Variants in TMPRSS6 observed in about 807,000 individuals in gnomAD.
The protein encoded by TMPRSS6 is transmembrane serine protease 6.
In TMPRSS6, 67 loss-of-function variants were observed where a neutral mutation model predicts 101.5. That is an observed-to-expected ratio of 0.66 (90% CI 0.54 to 0.81). The LOEUF is 0.81. Ranked by LOEUF, TMPRSS6 falls within the 30% of genes least tolerant of loss-of-function variation. The pLI, the probability that TMPRSS6 is intolerant of heterozygous loss-of-function variation, is 0.00. For missense variants in TMPRSS6, 1,034 were observed against 1,088.7 expected (o/e 0.95, Z 0.71); for synonymous variants, 453 against 464.9 (o/e 0.97, Z 0.33).
chr22:37,069,351 TG>T lies in TMPRSS6; in HGVS notation c.1842-8del. 1 of 126,930 alleles carries T rather than the reference TG, an allele frequency of 7.9e-6. No individual in the cohort carries two copies. Among genetic ancestry groups the T allele is most frequent in the Non-Finnish European group, 1.4e-5 (1 of 70,418 alleles). 7.9% of individuals were successfully genotyped at this position (126,930 alleles called of 1,614,324 possible). A position where few individuals can be genotyped will look rare whatever the true frequency, so the allele number is the denominator to read the frequency against. On this transcript the variant is annotated splice_region_variant and splice_polypyrimidine_tract_variant and intron_variant, in intron 15 of 17. Transcript: ENST00000676104. This position sits in a 1 kb window ranked among gnomAD's most constrained non-coding sequence, Gnocchi z 4.8. Reference sequence around the variant, plus strand: ...CAGCACCGTGGAGGCCATGCTGGGGTGGGGTGGGGTGGGGTGGGGTGGGGTG... The same window carrying T: ...CAGCACCGTGGAGGCCATGCTGGGGTGGGTGGGGTGGGGTGGGGTGGGGTG...
chr22:37,096,936 T>A (rs566425656), intron 3 of TMPRSS6, among the ~76,000 whole-genome samples: 1 of 152,224 alleles, frequency 6.6e-6, no homozygotes, highest in African/African-American at 2.4e-5. Flanking sequence ...TACACCCGAC[T>A]CTCACCTCCA....
At chr22:37,094,651 A>G (rs2413451) in intron 6 of TMPRSS6, among the ~76,000 whole-genome samples, 64,391 of 151,774 alleles carry the variant, frequency 0.42, 13,796 homozygotes, top group African/African-American at 0.47. Flanking sequence ...ACACATGGTC[A>G]CTCTATCTTT....
chr22:37,101,316 G>A lies in TMPRSS6; in HGVS notation c.202+1900C>T, dbSNP rs1013819896. On this transcript the variant is annotated intron_variant, in intron 2 of 17. Coordinates refer to ENST00000676104, the MANE Select transcript of TMPRSS6 (RefSeq NM_001374504.1). This position sits in a 1 kb window ranked among gnomAD's most constrained non-coding sequence, Gnocchi z 4.1. Reference sequence around the variant, plus strand: ...GAGACAGGGGCAGGCGGGTGCTGGGGGCTTGAGAACACATAAAACTCTTGC... The same window carrying A: ...GAGACAGGGGCAGGCGGGTGCTGGGAGCTTGAGAACACATAAAACTCTTGC... Among the ~76,000 whole-genome samples the A allele has an allele frequency of 1.3e-5, 2 of 152,036 alleles. No individual in the cohort carries two copies. Among genetic ancestry groups the A allele is most frequent in the Non-Finnish European group, 2.9e-5 (2 of 67,988 alleles).
intron 6 of TMPRSS6, among the ~76,000 whole-genome samples, chr22:37,091,402 A>G (rs1929249147): frequency 6.6e-6 from 1 of 152,218 alleles, no homozygotes; most frequent in Non-Finnish European, 1.5e-5. Flanking sequence ...GCCTGAGGGC[A>G]GGCCCCCCAG....
chr22:37,095,863 A>G, intron 5 of TMPRSS6, 43 bp downstream of exon 5: 1 of 1,610,554 alleles, frequency 6.2e-7, no homozygotes, highest in Non-Finnish European at 8.5e-7. Flanking sequence ...TGTTTCCCCC[A>G]ACCTCATGAG....
intron 6 of TMPRSS6, among the ~76,000 whole-genome samples, chr22:37,091,397 AG>A (rs1294551269): frequency 6.6e-6 from 1 of 152,192 alleles, no homozygotes; most frequent in Non-Finnish European, 1.5e-5. Context: ...GGTCAGCCTG[AG>A]GGCAGGCCCC....
At chr22:37,081,543 G>A (rs1347491427) in intron 10 of TMPRSS6, among the ~76,000 whole-genome samples, 4 of 152,144 alleles carry the variant, frequency 2.6e-5, no homozygotes, top group South Asian at 2.1e-4. Flanking sequence ...TGAACCCCTC[G>A]TTTCACAGAC....
chr22:37,071,138 G>T, intron 13 of TMPRSS6, 106 bp from the exon 14 acceptor site: 1 of 1,010,294 alleles, frequency 9.9e-7, no homozygotes, highest in Non-Finnish European at 1.5e-6. Flanking sequence ...GAGCCAGGAG[G>T]TGACTAGAGA....
chr22:37,067,340 C>T (rs1271773526), intron 16 of TMPRSS6, among the ~76,000 whole-genome samples: 4 of 152,154 alleles, frequency 2.6e-5, no homozygotes, highest in Non-Finnish European at 5.9e-5. Flanking sequence ...TGTGGTGGCA[C>T]ATGCCTGTAA....
intron 8 of TMPRSS6, among the ~76,000 whole-genome samples, 195 bp downstream of exon 8, chr22:37,086,088 G>A (rs1013718884): frequency 1.1e-4 from 16 of 151,152 alleles, no homozygotes; most frequent in Non-Finnish European, 1.6e-4. Context: ...AAGGGGAAGA[G>A]GGGGGTGGAA....
chr22:37,082,091 A>G (rs907268747), intron 10 of TMPRSS6, among the ~76,000 whole-genome samples: 1 of 152,176 alleles, frequency 6.6e-6, no homozygotes, highest in African/African-American at 2.4e-5. Context: ...CACAGGAAGC[A>G]TGGGGTGGAG....
chr22:37,089,544 G>GGCCAACCAC, intron 7 of TMPRSS6, 34 bp downstream of exon 7: 1 of 1,348,860 alleles, frequency 7.4e-7, no homozygotes, highest in Non-Finnish European at 1.0e-6. Flanking sequence ...CCCTTTTCCA[G>GGCCAACCAC]CCCTCCCTCC....
intron 10 of TMPRSS6, among the ~76,000 whole-genome samples, chr22:37,076,096 A>G (rs1927650697): frequency 6.6e-6 from 1 of 152,170 alleles, no homozygotes; most frequent in African/African-American, 2.4e-5. Context: ...AGAAAGAAAG[A>G]AAGGAAAAAT....
At chr22:37,083,153 G>A (rs1053937180) in intron 10 of TMPRSS6, 13 of 455,032 alleles carry the variant, frequency 2.9e-5, no homozygotes, top group Non-Finnish European at 5.5e-5. Flanking sequence ...CCAGAATTCC[G>A]AGGTTGGAAG....
intron 10 of TMPRSS6, among the ~76,000 whole-genome samples, chr22:37,075,670 A>G (rs1927568357): frequency 6.6e-6 from 1 of 152,206 alleles, no homozygotes; most frequent in Admixed American, 6.5e-5. Context: ...TGGGAGGCTG[A>G]GGTGGGTGGA....
chr22:37,098,312 G>GT, intron 3 of TMPRSS6, 104 bp downstream of exon 3: 1 of 1,555,056 alleles, frequency 6.4e-7, no homozygotes. Flanking sequence ...TGGTCCCTGT[G>GT]AATGCTCCAG....
chr22:37,095,526 G>A (rs1929665197), intron 6 of TMPRSS6, 25 bp downstream of exon 6: 1 of 1,611,792 alleles, frequency 6.2e-7, no homozygotes, highest in Admixed American at 1.7e-5. Flanking sequence ...AAGGAAAATG[G>A]GGAGGGGAAA....
At chr22:37,083,305 C>T (rs1928408948) in intron 10 of TMPRSS6, among the ~76,000 whole-genome samples, 1 of 152,148 alleles carries the variant, frequency 6.6e-6, no homozygotes. Context: ...TCTTCTCTCT[C>T]CCCAAACCTC....
At position 37,096,100 on chromosome 22, in the gene TMPRSS6, G is replaced by C. The variant is rs558936970; in HGVS notation, c.405-10C>G. On this transcript the variant is annotated splice_polypyrimidine_tract_variant and intron_variant, in intron 4 of 17. Transcript: ENST00000676104. Reference sequence around the variant, plus strand: ...GGTGAGGGGTCCCTCCCTAAGGCAGGCAGAAGTGAGAGAGGCCAGGGAAGG... The same window carrying C: ...GGTGAGGGGTCCCTCCCTAAGGCAGCCAGAAGTGAGAGAGGCCAGGGAAGG... The C allele has an allele frequency of 6.2e-7, 1 of 1,614,056 alleles. No homozygotes were observed.
Sources: allele counts gnomAD v4.1 joint callset (sites outside exome capture counted in the v4.1 genomes callset), GRCh38; gene constraint gnomAD v4.1.1; non-coding constraint Gnocchi (gnomAD v3.1); transcripts MANE v1.5; gene names NCBI Gene and HGNC (gene_info 2026-07-23, HGNC 2026-07-21).